Variants in DACH2 observed in about 807,000 individuals in gnomAD.
DACH2 encodes the protein dachshund homolog 2.
DACH2 carries 17 observed loss-of-function variants against 35.8 expected under a neutral mutation model. That is an observed-to-expected ratio of 0.48 (90% CI 0.33 to 0.71). The LOEUF (loss-of-function observed/expected upper bound fraction) is 0.71. DACH2 is among the 30% of genes least tolerant of loss of function. The probability of loss-of-function intolerance (pLI) is 0.02; values close to 1 mark genes in which losing one functional copy is unlikely to be tolerated. For synonymous variants in DACH2, 195 were observed against 177.3 expected, an observed-to-expected ratio of 1.10 and a Z score of -0.79; for missense variants, 469 against 472.7, an observed-to-expected ratio of 0.99 and a Z score of 0.07.
intron 3 of DACH2, among the ~76,000 whole-genome samples, chrX:86,592,029 G>T (rs1205485853): frequency 1.8e-5 from 2 of 110,741 alleles, no homozygotes; most frequent in African/African-American, 3.3e-5. Context: ...AATTTTTAAA[G>T]TTCTAAACTA....
chrX:86,677,418 T>C (rs2148429729), intron 4 of DACH2, among the ~76,000 whole-genome samples: 1 of 112,147 alleles, frequency 8.9e-6, no homozygotes, highest in Non-Finnish European at 1.9e-5. Flanking sequence ...AAGAGTTCTC[T>C]TGGCTTCTAA....
At chrX:86,590,686 T>C (rs1336742934) in intron 3 of DACH2, among the ~76,000 whole-genome samples, 1 of 111,997 alleles carries the variant, frequency 8.9e-6, no homozygotes, top group African/African-American at 3.2e-5. Flanking sequence ...TCACTAGCTG[T>C]GAATATGAAT....
intron 3 of DACH2, among the ~76,000 whole-genome samples, chrX:86,600,339 T>C (rs2039773679): frequency 8.9e-6 from 1 of 112,490 alleles, no homozygotes; most frequent in African/African-American, 3.2e-5. Context: ...AACTTTTGGG[T>C]TTACTCTGGG....
intron 1 of DACH2, among the ~76,000 whole-genome samples, chrX:86,152,584 C>A (rs1304200086): frequency 9.0e-6 from 1 of 111,641 alleles, no homozygotes; most frequent in Non-Finnish European, 1.9e-5. Context: ...GCTTCAACTG[C>A]TAGAGAGGTA....
At chrX:86,626,018 C>T (rs2040133471) in intron 3 of DACH2, among the ~76,000 whole-genome samples, 1 of 111,718 alleles carries the variant, frequency 9.0e-6, no homozygotes, top group Non-Finnish European at 1.9e-5. Flanking sequence ...AAAGTCTTGA[C>T]TCATTTCTAC....
intron 3 of DACH2, among the ~76,000 whole-genome samples, chrX:86,560,488 G>A (rs1186028427): frequency 1.9e-5 from 2 of 107,421 alleles, no homozygotes; most frequent in African/African-American, 3.4e-5. Context: ...AAGTTGGCCT[G>A]CCTTGCTAGA....
chrX:86,516,794 T>C (rs1020163601), intron 3 of DACH2, among the ~76,000 whole-genome samples: 3 of 111,215 alleles, frequency 2.7e-5, no homozygotes, highest in Admixed American at 1.9e-4. Context: ...CTCCCACTTA[T>C]AAGTGAGAAC....
chrX:86,447,414 T>C, intron 2 of DACH2, among the ~76,000 whole-genome samples: 1 of 4,100 alleles, frequency 2.4e-4, no homozygotes. Context: ...TCTTCTAGGG[T>C]TTTTATGGTT....
intron 4 of DACH2, among the ~76,000 whole-genome samples, chrX:86,681,662 T>C (rs992261679): frequency 5.5e-5 from 5 of 90,334 alleles, no homozygotes; most frequent in East Asian, 3.3e-4. Context: ...ATATATGTTA[T>C]ATATAATTAT....
At chrX:86,455,388 T>C (rs1018165855) in intron 2 of DACH2, among the ~76,000 whole-genome samples, 4 of 111,644 alleles carry the variant, frequency 3.6e-5, no homozygotes, top group African/African-American at 1.3e-4. Context: ...ATAGAACAGC[T>C]GAGTTCACAG....
chrX:86,281,362 A>G (rs2034024354), intron 1 of DACH2, among the ~76,000 whole-genome samples: 1 of 111,719 alleles, frequency 9.0e-6, no homozygotes, highest in Non-Finnish European at 1.9e-5. Context: ...AAATTAATAA[A>G]TGTAATCCAT....
At chrX:86,581,997 A>G (rs2039507576) in intron 3 of DACH2, among the ~76,000 whole-genome samples, 1 of 111,902 alleles carries the variant, frequency 8.9e-6, no homozygotes, top group Non-Finnish European at 1.9e-5. Flanking sequence ...TTCAAAACAG[A>G]AATTATGCCA....
chrX:86,293,218 AG>A (rs2034350400), intron 1 of DACH2, among the ~76,000 whole-genome samples: 1 of 103,400 alleles, frequency 9.7e-6, no homozygotes. Flanking sequence ...GTTGATTTAA[AG>A]TCTGTTGTAT....
At chrX:86,188,942 C>T (rs2031754755) in intron 1 of DACH2, among the ~76,000 whole-genome samples, 1 of 112,138 alleles carries the variant, frequency 8.9e-6, no homozygotes, top group African/African-American at 3.2e-5. Context: ...GCCCCATTTT[C>T]CCTCCACAGC....
intron 1 of DACH2, among the ~76,000 whole-genome samples, chrX:86,215,559 C>G (rs973420339): frequency 9.0e-6 from 1 of 110,570 alleles, no homozygotes; most frequent in Non-Finnish European, 1.9e-5. Flanking sequence ...AAAAAGGAAA[C>G]CTTTCATTCC....
chrX:86,670,962 G>A (rs937762974), intron 4 of DACH2, among the ~76,000 whole-genome samples: 1 of 111,736 alleles, frequency 8.9e-6, no homozygotes, highest in Non-Finnish European at 1.9e-5. Context: ...AGATAGAATC[G>A]CTAGTGACAC....
At chrX:86,288,360 A>G (rs2034196991) in intron 1 of DACH2, among the ~76,000 whole-genome samples, 1 of 111,671 alleles carries the variant, frequency 9.0e-6, no homozygotes. Flanking sequence ...ACTGAGTCTC[A>G]CCCAAGGCCT....
chrX:86,371,661 A>T (rs2035888765), intron 1 of DACH2, among the ~76,000 whole-genome samples: 1 of 110,938 alleles, frequency 9.0e-6, no homozygotes, highest in African/African-American at 3.3e-5. Flanking sequence ...AAGTGATTAA[A>T]TGCCTTTAAA....
intron 1 of DACH2, among the ~76,000 whole-genome samples, chrX:86,205,975 A>G (rs915137104): frequency 1.8e-5 from 2 of 112,084 alleles, no homozygotes; most frequent in African/African-American, 6.5e-5. Flanking sequence ...TTTGATACAT[A>G]TTCTCTCACT....
Sources: allele counts gnomAD v4.1 joint callset (sites outside exome capture counted in the v4.1 genomes callset), GRCh38; gene constraint gnomAD v4.1.1; transcripts MANE v1.5; gene names NCBI Gene and HGNC (gene_info 2026-07-23, HGNC 2026-07-21).